The following IQCM variants were observed in gnomAD, a reference collection of about 807,000 sequenced individuals.
IQCM encodes IQ motif containing M, also known as IQ domain-containing protein M.
A neutral mutation model predicts 57.6 loss-of-function variants in IQCM; 45 were observed. That is an observed-to-expected ratio of 0.78 (90% CI 0.62 to 1.00). The LOEUF is 1.00. Ranked by LOEUF, IQCM falls within the 50% of genes least tolerant of loss-of-function variation. The pLI is 0.00. For synonymous variants in IQCM, 148 were observed against 158.9 expected (o/e 0.93, Z 0.51); for missense variants, 468 against 511.6 (o/e 0.91, Z 0.82).
rs142922311 is a variant in IQCM at position 149,721,172 on chromosome 4, A to G, written c.385+12072T>C. Among the ~76,000 whole-genome samples, 357 of 152,276 alleles carry G rather than the reference A, an allele frequency of 2.3e-3. 1 individual carries two copies. Among genetic ancestry groups the G allele is most frequent in the African/African-American group, 7.7e-3 (319 of 41,572 alleles). On this transcript the variant is annotated intron_variant, in intron 5 of 13. Transcript: ENST00000636793. ...CAATTTAAAAAACAATACAACCACT[A>G]TTTACATGGGATTTACACTGTATTA...
intron 9 of IQCM, among the ~76,000 whole-genome samples, chr4:149,585,781 C>A (rs1271748577): frequency 6.6e-6 from 1 of 151,658 alleles, no homozygotes; most frequent in Non-Finnish European, 1.5e-5. Flanking sequence ...GATTTAGATT[C>A]TAGTCACAGT....
At chr4:149,640,224 C>T (rs1292977975) in intron 7 of IQCM, among the ~76,000 whole-genome samples, 1 of 152,106 alleles carries the variant, frequency 6.6e-6, no homozygotes, top group Non-Finnish European at 1.5e-5. Context: ...AGGCATGTAA[C>T]ACATAATAAT....
chr4:149,390,256 T>A (rs1435827855), intron 13 of IQCM, among the ~76,000 whole-genome samples: 1 of 152,036 alleles, frequency 6.6e-6, no homozygotes, highest in Non-Finnish European at 1.5e-5. Context: ...TGTTGTTTAA[T>A]TACTAATTAC....
At chr4:149,358,880 A>ATATACTCTCATGAGTATATCAG in intron 13 of IQCM, among the ~76,000 whole-genome samples, 1 of 151,094 alleles carries the variant, frequency 6.6e-6, no homozygotes, top group Non-Finnish European at 1.5e-5. Flanking sequence ...GTATATCATG[A>ATATACTCTCATGAGTATATCAG]GACCACAGTG....
intron 5 of IQCM, among the ~76,000 whole-genome samples, chr4:149,719,845 G>T (rs1765301975): frequency 6.6e-6 from 1 of 152,184 alleles, no homozygotes; most frequent in South Asian, 2.1e-4. Context: ...CAAACTGCAT[G>T]AACTCCAAGT....
chr4:149,761,923 T>G (rs1328139055), intron 2 of IQCM, among the ~76,000 whole-genome samples: 2 of 152,056 alleles, frequency 1.3e-5, no homozygotes, highest in Non-Finnish European at 2.9e-5. Flanking sequence ...CTTTTTAACT[T>G]ATAAAATTTA....
At chr4:149,573,935 CGTT>C (rs1193373383) in intron 9 of IQCM, among the ~76,000 whole-genome samples, 1 of 151,852 alleles carries the variant, frequency 6.6e-6, no homozygotes, top group African/African-American at 2.4e-5. Context: ...ACAACAGAAA[CGTT>C]GGTATTGACA....
intron 7 of IQCM, among the ~76,000 whole-genome samples, chr4:149,659,696 T>A (rs1012869871): frequency 1.3e-5 from 2 of 152,172 alleles, no homozygotes; most frequent in African/African-American, 4.8e-5. Flanking sequence ...AACTGTCTGA[T>A]CTTTGACAAA....
chr4:149,663,091 C>T (rs548933524), intron 7 of IQCM, among the ~76,000 whole-genome samples: 2 of 151,860 alleles, frequency 1.3e-5, no homozygotes, highest in South Asian at 4.2e-4. Context: ...TTTGTGGTTA[C>T]TATGGAACTA....
At chr4:149,408,090 T>A (rs572872272) in intron 13 of IQCM, among the ~76,000 whole-genome samples, 36 of 152,134 alleles carry the variant, frequency 2.4e-4, no homozygotes, top group Non-Finnish European at 4.7e-4. Flanking sequence ...ATTAGTGATG[T>A]TTATCTTTTT....
At chr4:149,659,672 C>T (rs1329120433) in intron 7 of IQCM, among the ~76,000 whole-genome samples, 1 of 152,030 alleles carries the variant, frequency 6.6e-6, no homozygotes, top group Admixed American at 6.6e-5. Context: ...TCAGAAATAA[C>T]ACCGCATATC....
intron 2 of IQCM, among the ~76,000 whole-genome samples, chr4:149,786,765 T>C (rs1228937898): frequency 1.3e-5 from 2 of 152,194 alleles, no homozygotes; most frequent in African/African-American, 4.8e-5. Context: ...TGGAAGACAG[T>C]ATGGTGATTC....
intron 7 of IQCM, among the ~76,000 whole-genome samples, chr4:149,665,469 G>A (rs1024332560): frequency 7.2e-5 from 11 of 152,272 alleles, no homozygotes; most frequent in Admixed American, 2.6e-4. Flanking sequence ...TTTCTATGGT[G>A]CTGTCCTATA....
intron 12 of IQCM, among the ~76,000 whole-genome samples, chr4:149,493,161 T>C (rs1373742976): frequency 6.6e-6 from 1 of 152,130 alleles, no homozygotes; most frequent in Non-Finnish European, 1.5e-5. Context: ...AGAATTTTTT[T>C]CTCAATACCC....
intron 13 of IQCM, among the ~76,000 whole-genome samples, chr4:149,404,731 A>G (rs1732861452): frequency 6.6e-6 from 1 of 152,106 alleles, no homozygotes; most frequent in Non-Finnish European, 1.5e-5. Flanking sequence ...ATGAAAGAAA[A>G]GAATGTAGTC....
chr4:149,640,803 G>A (rs777621007), intron 7 of IQCM, among the ~76,000 whole-genome samples: 8 of 151,960 alleles, frequency 5.3e-5, no homozygotes, highest in East Asian at 1.9e-4. Context: ...TTTAACAACC[G>A]GATAACATCC....
intron 5 of IQCM, among the ~76,000 whole-genome samples, chr4:149,699,616 G>A (rs535376862): frequency 2.9e-5 from 4 of 136,276 alleles, no homozygotes; most frequent in African/African-American, 1.1e-4. Flanking sequence ...AATTCTCCAT[G>A]AATATTTTCA....
At chr4:149,509,912 C>A (rs1276188312) in intron 12 of IQCM, among the ~76,000 whole-genome samples, 1 of 152,038 alleles carries the variant, frequency 6.6e-6, no homozygotes, top group African/African-American at 2.4e-5. Context: ...ACTTTCTTTT[C>A]ATTTCAATAC....
intron 2 of IQCM, among the ~76,000 whole-genome samples, chr4:149,746,108 A>C (rs1176674283): frequency 6.6e-6 from 1 of 151,282 alleles, no homozygotes; most frequent in East Asian, 1.9e-4. Flanking sequence ...AGGGATCTGG[A>C]AAGGTAGTTT....
Sources: allele counts gnomAD v4.1 joint callset (sites outside exome capture counted in the v4.1 genomes callset), GRCh38; gene constraint gnomAD v4.1.1; transcripts MANE v1.5; gene names NCBI Gene and HGNC (gene_info 2026-07-23, HGNC 2026-07-21).